The following RBPMS2 variants were observed in gnomAD, a reference collection of about 807,000 sequenced individuals.
The protein encoded by RBPMS2 is RNA binding protein, mRNA processing factor 2, also known as RNA-binding protein with multiple splicing 2.
Under a neutral mutation model 25.7 loss-of-function variants are expected in RBPMS2, and 14 were observed. The observed-to-expected ratio is 0.55, with a 90% CI of 0.36 to 0.85. RBPMS2 has a LOEUF of 0.85. Among genes scored for constraint, RBPMS2 ranks in the 40% least tolerant of loss-of-function variants. RBPMS2 has a pLI of 0.01. For missense variants in RBPMS2, 252 were observed against 283.4 expected, an observed-to-expected ratio of 0.89 and a Z score of 0.80; for synonymous variants, 127 against 115.6, an observed-to-expected ratio of 1.10 and a Z score of -0.63.
intron 6 of RBPMS2, among the ~76,000 whole-genome samples, chr15:64,742,739 G>A (rs1351634221): frequency 6.6e-6 from 1 of 152,180 alleles, no homozygotes; most frequent in East Asian, 1.9e-4. Context: ...GCACATGAGC[G>A]TGTGGCAGGA....
At chr15:64,761,275 T>C (rs2083782946) in intron 1 of RBPMS2, 1 of 152,072 alleles carries the variant, frequency 6.6e-6, no homozygotes, top group Non-Finnish European at 1.5e-5. Context: ...AAAACGAGCC[T>C]CTTATAAGCC....
At chr15:64,756,397 C>A (rs2083731431) in intron 1 of RBPMS2, among the ~76,000 whole-genome samples, 1 of 151,986 alleles carries the variant, frequency 6.6e-6, no homozygotes, top group Non-Finnish European at 1.5e-5. Context: ...CACCTGTAGT[C>A]CCAGCTACTT....
At chr15:64,744,195 A>G (rs959565553) in intron 6 of RBPMS2, among the ~76,000 whole-genome samples, 5 of 152,212 alleles carry the variant, frequency 3.3e-5, no homozygotes, top group Admixed American at 1.3e-4. Context: ...ATCCGAAATT[A>G]AAACATTTAA....
intron 1 of RBPMS2, among the ~76,000 whole-genome samples, chr15:64,761,976 C>G (rs1239279546): frequency 6.6e-6 from 1 of 152,038 alleles, no homozygotes; most frequent in African/African-American, 2.4e-5. Flanking sequence ...TCCCAAAGTG[C>G]TGGGATTACA....
intron 2 of RBPMS2, 27 bp downstream of exon 2, chr15:64,751,534 C>A (rs769657830): frequency 6.2e-7 from 1 of 1,607,566 alleles, no homozygotes; most frequent in African/African-American, 1.3e-5. Flanking sequence ...CAGGCTCTAC[C>A]CAGGGGGCGG....
At chr15:64,774,743 C>CGGCCGGCCGGCCGGCT (rs1555431944) in intron 1 of RBPMS2, among the ~76,000 whole-genome samples, 1 of 148,422 alleles carries the variant, frequency 6.7e-6, no homozygotes, top group African/African-American at 2.5e-5. Context: ...GCCGGCCGGC[C>CGGCCGGCCGGCCGGCT]CAGGCCTCCA....
intron 6 of RBPMS2, among the ~76,000 whole-genome samples, chr15:64,747,470 C>A (rs554965738): frequency 5.3e-5 from 8 of 152,286 alleles, no homozygotes; most frequent in African/African-American, 1.7e-4. Flanking sequence ...GCACAGCACA[C>A]CCTGGCCGGG....
chr15:64,755,638 G>C (rs903967841), intron 1 of RBPMS2, among the ~76,000 whole-genome samples: 5 of 152,150 alleles, frequency 3.3e-5, no homozygotes, highest in Non-Finnish European at 2.9e-5. Flanking sequence ...TCATGGGTGG[G>C]TAAGTGCTGC....
At chr15:64,767,364 G>A (rs1324993165) in intron 1 of RBPMS2, among the ~76,000 whole-genome samples, 1 of 152,120 alleles carries the variant, frequency 6.6e-6, no homozygotes, top group African/African-American at 2.4e-5. Flanking sequence ...ATGGGCGGAA[G>A]ACAGAGGAAG....
At chr15:64,754,535 C>T (rs915145637) in intron 1 of RBPMS2, among the ~76,000 whole-genome samples, 3 of 152,018 alleles carry the variant, frequency 2.0e-5, no homozygotes, top group Admixed American at 6.6e-5. Context: ...TCACTTGAAT[C>T]GGGAGGCAGA....
intron 3 of RBPMS2, 118 bp downstream of exon 3, chr15:64,750,225 G>T: frequency 1.1e-6 from 1 of 891,402 alleles, no homozygotes; most frequent in South Asian, 1.3e-5. Context: ...CAGGACAACA[G>T]GGAGCGCAAG....
At position 64,772,708 on chromosome 15, in the gene RBPMS2, C is replaced by G. The variant is rs564078777; in HGVS notation, c.87+2525G>C. ...TAACCTTGCTCCTCCTACTCACCCA[C>G]ATCTCAGGGAAGGCTGACCTCTAAT... On this transcript the variant is annotated intron_variant, in intron 1 of 7. Coordinates refer to ENST00000300069, the MANE Select transcript of RBPMS2 (RefSeq NM_194272.3). Among the ~76,000 whole-genome samples the G allele has an allele frequency of 5.3e-5, 8 of 152,290 alleles. No homozygotes were observed. The East Asian group carries it at 1.5e-3, about 29-fold the overall frequency.
At chr15:64,763,091 G>A (rs2083807064) in intron 1 of RBPMS2, among the ~76,000 whole-genome samples, 1 of 152,008 alleles carries the variant, frequency 6.6e-6, no homozygotes, top group Admixed American at 6.6e-5. Context: ...GGGGGATTGG[G>A]TCCTGCCTGG....
chr15:64,742,501 C>T (rs1017719930), intron 6 of RBPMS2, among the ~76,000 whole-genome samples: 1 of 152,254 alleles, frequency 6.6e-6, no homozygotes, highest in Non-Finnish European at 1.5e-5. Flanking sequence ...GGCACGTTCC[C>T]TCCTCCCTGT....
At chr15:64,774,688 G>A (rs984129925) in intron 1 of RBPMS2, among the ~76,000 whole-genome samples, 1 of 146,712 alleles carries the variant, frequency 6.8e-6, no homozygotes, top group Non-Finnish European at 1.5e-5. Flanking sequence ...GGGCTGTGAA[G>A]AAAGCCCGCC....
chr15:64,759,427 C>T (rs1197721363), intron 1 of RBPMS2, among the ~76,000 whole-genome samples: 1 of 152,154 alleles, frequency 6.6e-6, no homozygotes, highest in Non-Finnish European at 1.5e-5. Context: ...CTCCACAGCC[C>T]TCTCCAGCCT....
intron 6 of RBPMS2, among the ~76,000 whole-genome samples, chr15:64,746,734 C>T (rs1394488958): frequency 6.6e-6 from 1 of 152,246 alleles, no homozygotes; most frequent in Admixed American, 6.5e-5. Context: ...GGCTCCCAAC[C>T]TCTGTCACAG....
intron 1 of RBPMS2, among the ~76,000 whole-genome samples, chr15:64,764,426 C>A (rs2083822771): frequency 6.6e-6 from 1 of 152,218 alleles, no homozygotes; most frequent in Non-Finnish European, 1.5e-5. Context: ...CACACCTAGC[C>A]CATTACTTGA....
At chr15:64,767,802 T>C (rs1016271080) in intron 1 of RBPMS2, among the ~76,000 whole-genome samples, 1 of 152,210 alleles carries the variant, frequency 6.6e-6, no homozygotes, top group African/African-American at 2.4e-5. Context: ...CCTGAGTAGC[T>C]GGGACTACAG....
Sources: gnomAD v4.1 joint callset for allele counts (sites outside exome capture counted in the v4.1 genomes callset) on GRCh38, gnomAD v4.1.1 for gene constraint, MANE v1.5 for transcripts, NCBI Gene and HGNC (gene_info 2026-07-23, HGNC 2026-07-21) for gene names.